The following SCRG1 variants were observed in gnomAD, a reference collection of about 807,000 sequenced individuals.
SCRG1 encodes the protein scrapie-responsive protein 1.
SCRG1 carries 3 observed loss-of-function variants against 7.7 expected under a neutral mutation model. The ratio of observed to expected loss-of-function variants is 0.39; its 90% CI spans 0.18 to 1.01. The LOEUF (loss-of-function observed/expected upper bound fraction) is 1.01. Ranked by LOEUF, SCRG1 falls within the 50% of genes least tolerant of loss-of-function variation. SCRG1 has a pLI of 0.36. For synonymous variants in SCRG1, 46 were observed against 41.2 expected, an observed-to-expected ratio of 1.12 and a Z score of -0.44; for missense variants, 110 against 117.2, an observed-to-expected ratio of 0.94 and a Z score of 0.28.
chr4:173,466,536 A>G, the SCRG1 span, among the ~76,000 whole-genome samples: 1 of 152,202 alleles, frequency 6.6e-6, no homozygotes, highest in South Asian at 2.1e-4. Context: ...GGAGACCAGG[A>G]TTCCAATTAG....
At chr4:173,396,343 T>C (rs1739602616) in intron 1 of SCRG1, among the ~76,000 whole-genome samples, 1 of 152,176 alleles carries the variant, frequency 6.6e-6, no homozygotes, top group African/African-American at 2.4e-5. Context: ...ATAGTATCTA[T>C]AGCTATGGGT....
the SCRG1 span, among the ~76,000 whole-genome samples, chr4:173,451,388 C>T: frequency 8.6e-5 from 13 of 151,708 alleles, no homozygotes; most frequent in Admixed American, 4.6e-4. Flanking sequence ...TGAGCAGCTC[C>T]GCAAGTTAGC....
chr4:173,489,425 T>C, the SCRG1 span, among the ~76,000 whole-genome samples: 3 of 152,348 alleles, frequency 2.0e-5, no homozygotes, highest in South Asian at 6.2e-4. Flanking sequence ...AGAGCAATCA[T>C]GTTCACATCT....
chr4:173,514,991 G>A, the SCRG1 span, among the ~76,000 whole-genome samples: 1 of 152,206 alleles, frequency 6.6e-6, no homozygotes, highest in Non-Finnish European at 1.5e-5. Flanking sequence ...TCCCACAAAG[G>A]CAGGTGGTTA....
the SCRG1 span, among the ~76,000 whole-genome samples, chr4:173,509,603 TGA>T: frequency 6.6e-6 from 1 of 152,128 alleles, no homozygotes. The surrounding 1 kb of genome is among the most constrained non-coding windows in gnomAD (Gnocchi z 5.7). Context: ...CCTTCCCGAG[TGA>T]GCTCACTTCC....
At chr4:173,452,398 A>G in the SCRG1 span, among the ~76,000 whole-genome samples, 10 of 152,146 alleles carry the variant, frequency 6.6e-5, no homozygotes, top group Admixed American at 6.5e-4. Context: ...TTACTGTTTC[A>G]GGGGTGGCAG....
At chr4:173,419,851 C>A in the SCRG1 span, 58 of 1,284,170 alleles carry the variant, frequency 4.5e-5, no homozygotes, top group African/African-American at 8.1e-4. Context: ...TATTGAGAAG[C>A]CTGCGGGCCA....
At position 173,391,420 on chromosome 4, in the gene SCRG1, C is replaced by A. The variant is rs754193738; in HGVS notation, c.-6G>T. The stretch of plus-strand genomic sequence containing the variant: ...ACAAGTACCATCAGTTTCATTTTGG[C>A]TTTTGGCCCTGAAATAGAAGAAAGA... On this transcript the variant is annotated 5_prime_UTR_variant, in exon 2 of 3. Coordinates refer to ENST00000296506, the MANE Select transcript of SCRG1 (RefSeq NM_007281.4). 1 of 1,613,656 alleles carries A rather than the reference C, an allele frequency of 6.2e-7. No individual in the cohort carries two copies. The highest frequency in any genetic ancestry group is 1.7e-5 in the Admixed American group (1 of 59,970).
At chr4:173,395,265 A>G (rs530677660) in intron 1 of SCRG1, among the ~76,000 whole-genome samples, 1 of 152,350 alleles carries the variant, frequency 6.6e-6, no homozygotes, top group South Asian at 2.1e-4. Flanking sequence ...CATGACAACA[A>G]TTTATTTTGT....
the SCRG1 span, among the ~76,000 whole-genome samples, chr4:173,518,193 C>T: frequency 6.6e-6 from 1 of 152,136 alleles, no homozygotes; most frequent in South Asian, 2.1e-4. Context: ...ACCGGGAGGG[C>T]AGGAATGGGT....
At chr4:173,445,583 G>GAA in the SCRG1 span, among the ~76,000 whole-genome samples, 118 of 141,350 alleles carry the variant, frequency 8.3e-4, 1 homozygote, top group Middle Eastern at 3.5e-3. Context: ...CTCCGTCTCG[G>GAA]AAAAAAAAAA....
At chr4:173,518,158 A>T in the SCRG1 span, among the ~76,000 whole-genome samples, 1 of 152,034 alleles carries the variant, frequency 6.6e-6, no homozygotes, top group East Asian at 1.9e-4. Flanking sequence ...CCGCAGGAAC[A>T]CTCCAAGTTC....
chr4:173,497,043 G>A, the SCRG1 span, among the ~76,000 whole-genome samples: 43 of 152,086 alleles, frequency 2.8e-4, no homozygotes, highest in Admixed American at 9.8e-4. Flanking sequence ...GAGGCAGAGC[G>A]TGCAGTGAGC....
the SCRG1 span, among the ~76,000 whole-genome samples, chr4:173,464,518 G>A: frequency 6.6e-6 from 1 of 152,152 alleles, no homozygotes. Context: ...TTTTCAAAAT[G>A]TTAAAAGTAT....
the SCRG1 span, among the ~76,000 whole-genome samples, chr4:173,415,037 T>A: frequency 6.6e-6 from 1 of 152,230 alleles, no homozygotes; most frequent in Non-Finnish European, 1.5e-5. Flanking sequence ...CCTATATCCC[T>A]TGAAAACAGC....
At chr4:173,488,547 A>G in the SCRG1 span, among the ~76,000 whole-genome samples, 1 of 152,190 alleles carries the variant, frequency 6.6e-6, no homozygotes, top group African/African-American at 2.4e-5. Context: ...AGAAACTGCT[A>G]TCTGGGGACA....
chr4:173,489,237 G>A, the SCRG1 span, among the ~76,000 whole-genome samples: 1,715 of 152,276 alleles, frequency 0.011, 40 homozygotes, highest in African/African-American at 0.038. Flanking sequence ...TACCAAAACT[G>A]TGCAGTCTTT....
the SCRG1 span, among the ~76,000 whole-genome samples, chr4:173,423,564 A>G: frequency 6.6e-6 from 1 of 152,212 alleles, no homozygotes; most frequent in East Asian, 1.9e-4. Context: ...AATTTATTTT[A>G]AACTATTAAT....
the SCRG1 span, among the ~76,000 whole-genome samples, chr4:173,486,086 C>T: frequency 2.0e-5 from 3 of 152,128 alleles, no homozygotes; most frequent in Non-Finnish European, 4.4e-5. Flanking sequence ...AAAGTAAATC[C>T]TAGAATTATG....
Sources: allele counts gnomAD v4.1 joint callset (sites outside exome capture counted in the v4.1 genomes callset), GRCh38; gene constraint gnomAD v4.1.1; non-coding constraint Gnocchi (gnomAD v3.1); transcripts MANE v1.5; gene names NCBI Gene and HGNC (gene_info 2026-07-23, HGNC 2026-07-21).